The following BRD10 variants were observed in gnomAD, a reference collection of about 807,000 sequenced individuals.
BRD10 encodes bromodomain containing 10, also known as uncharacterized bromodomain-containing protein 10.
At chr9:5,914,774 G>T in the BRD10 span, among the ~76,000 whole-genome samples, 1 of 152,138 alleles carries the variant, frequency 6.6e-6, no homozygotes, top group African/African-American at 2.4e-5. Flanking sequence ...ATCATTCCAT[G>T]AGACTCCCAG....
chr9:5,932,237 C>G, the BRD10 span, among the ~76,000 whole-genome samples: 1 of 151,848 alleles, frequency 6.6e-6, no homozygotes, highest in African/African-American at 2.4e-5. Context: ...GATTGATCAA[C>G]TTTATTCATA....
the BRD10 span, among the ~76,000 whole-genome samples, chr9:5,993,993 GTCTACATTTATGTA>G: frequency 4.1e-4 from 63 of 152,232 alleles, no homozygotes; most frequent in African/African-American, 1.5e-3. Context: ...CTAAGCTTCT[GTCTACATTTATGTA>G]TCTTTACAAG....
At chr9:5,938,891 A>G in the BRD10 span, among the ~76,000 whole-genome samples, 9 of 152,216 alleles carry the variant, frequency 5.9e-5, no homozygotes, top group African/African-American at 2.2e-4. Context: ...AGAGATTATT[A>G]CAACCAAAGC....
the BRD10 span, among the ~76,000 whole-genome samples, chr9:5,911,314 G>A: frequency 2.0e-5 from 3 of 149,630 alleles, no homozygotes; most frequent in Admixed American, 2.0e-4. Context: ...TTTTCCCAAT[G>A]TATGTTCTTG....
chr9:5,920,661 T>C, the BRD10 span: 15 of 1,614,044 alleles, frequency 9.3e-6, no homozygotes, highest in Non-Finnish European at 1.3e-5. Flanking sequence ...GATTGTCTTT[T>C]AGAAATAGAT....
At chr9:5,936,121 A>C in the BRD10 span, among the ~76,000 whole-genome samples, 322 of 152,246 alleles carry the variant, frequency 2.1e-3, 1 homozygote, top group African/African-American at 7.1e-3. Flanking sequence ...TTTGGGAGGC[A>C]GAGGAAGGTA....
the BRD10 span, chr9:5,922,573 C>T: frequency 3.7e-6 from 6 of 1,613,842 alleles, no homozygotes; most frequent in Non-Finnish European, 5.1e-6. Flanking sequence ...TATTTGTTGT[C>T]TGTGGGAAAG....
chr9:5,972,164 AGAT>A, the BRD10 span, among the ~76,000 whole-genome samples: 1 of 152,222 alleles, frequency 6.6e-6, no homozygotes. Context: ...CCACAGTCAA[AGAT>A]AAAACATAAA....
the BRD10 span, chr9:5,907,094 AAT>A: frequency 1.2e-6 from 1 of 808,392 alleles, no homozygotes; most frequent in Non-Finnish European, 1.9e-6. Flanking sequence ...GGACAATGTG[AAT>A]GTACTCATTG....
At chr9:5,975,205 G>A in the BRD10 span, among the ~76,000 whole-genome samples, 1 of 152,054 alleles carries the variant, frequency 6.6e-6, no homozygotes, top group Non-Finnish European at 1.5e-5. Context: ...GGAGGCTGAG[G>A]TGGGTGGATC....
chr9:5,897,736 G>C, the BRD10 span: 10 of 1,182,180 alleles, frequency 8.5e-6, no homozygotes, highest in African/African-American at 1.4e-4. Context: ...TGGAGAGTCA[G>C]ATAATTGCCT....
the BRD10 span, among the ~76,000 whole-genome samples, chr9:5,972,510 G>C: frequency 6.6e-6 from 1 of 152,192 alleles, no homozygotes; most frequent in Non-Finnish European, 1.5e-5. Context: ...TATGGGGGTA[G>C]ATCTCTCATG....
At chr9:5,996,842 A>G in the BRD10 span, among the ~76,000 whole-genome samples, 2 of 152,156 alleles carry the variant, frequency 1.3e-5, no homozygotes, top group South Asian at 4.1e-4. Context: ...AGCTATTCCT[A>G]CTTCTCAGGA....
At chr9:5,906,656 C>G in the BRD10 span, among the ~76,000 whole-genome samples, 1 of 152,222 alleles carries the variant, frequency 6.6e-6, no homozygotes, top group Non-Finnish European at 1.5e-5. Flanking sequence ...TGCACTAGAG[C>G]TTTACTTCTA....
At chr9:5,977,056 A>C in the BRD10 span, among the ~76,000 whole-genome samples, 4 of 152,262 alleles carry the variant, frequency 2.6e-5, no homozygotes, top group African/African-American at 9.6e-5. Flanking sequence ...TATTAAGGAC[A>C]TACAGAAAGG....
At chr9:5,904,338 T>C in the BRD10 span, among the ~76,000 whole-genome samples, 1 of 152,356 alleles carries the variant, frequency 6.6e-6, no homozygotes, top group Non-Finnish European at 1.5e-5. Context: ...ATATCTACCA[T>C]ATTGTTACTG....
the BRD10 span, chr9:5,921,749 C>T: frequency 1.2e-6 from 2 of 1,613,882 alleles, no homozygotes; most frequent in Non-Finnish European, 1.7e-6. Flanking sequence ...GCTAATTACA[C>T]TTACCGAACT....
At chr9:5,993,597 CT>C in the BRD10 span, among the ~76,000 whole-genome samples, 2 of 152,152 alleles carry the variant, frequency 1.3e-5, no homozygotes, top group African/African-American at 4.8e-5. Context: ...TGAATAGTTA[CT>C]GGAACCCAGA....
the BRD10 span, among the ~76,000 whole-genome samples, chr9:6,006,834 T>C: frequency 6.6e-6 from 1 of 152,252 alleles, no homozygotes; most frequent in Non-Finnish European, 1.5e-5. Flanking sequence ...GTTTTAAATG[T>C]CATGCTAAAA....
Sources: allele counts gnomAD v4.1 joint callset (sites outside exome capture counted in the v4.1 genomes callset), GRCh38; gene constraint gnomAD v4.1.1; transcripts MANE v1.5; gene names NCBI Gene and HGNC (gene_info 2026-07-23, HGNC 2026-07-21).